The following SCFD2 variants were observed in gnomAD, a reference collection of about 807,000 sequenced individuals.
SCFD2 encodes the protein sec1 family domain-containing protein 2.
A neutral mutation model predicts 58.9 loss-of-function variants in SCFD2; 54 were observed. That is an observed-to-expected ratio of 0.92 (90% CI 0.74 to 1.15). SCFD2 has a LOEUF of 1.15. Ranked by LOEUF, SCFD2 falls within the 50% of genes most tolerant of loss-of-function variation. SCFD2 has a pLI of 0.00. For synonymous variants in SCFD2, 321 were observed against 335.9 expected, an observed-to-expected ratio of 0.96 and a Z score of 0.49; for missense variants, 805 against 836.6, an observed-to-expected ratio of 0.96 and a Z score of 0.47.
intron 3 of SCFD2, among the ~76,000 whole-genome samples, chr4:53,296,601 C>T (rs1424176070): frequency 3.3e-5 from 5 of 151,878 alleles, no homozygotes; most frequent in African/African-American, 1.2e-4. Flanking sequence ...CCTGGATTCA[C>T]TGATTTTTTT....
In SCFD2 at chr4:53,352,755, G is replaced by A. The variant is rs1734265937; in HGVS notation, c.850C>T (p.His284Tyr). Residue 284 changes from histidine to tyrosine, a missense_variant, in exon 2 of 9, where the codon CAT becomes TAT. This residue lies in a region of SCFD2 where 633 missense variants were observed against 646.8 expected (regional missense o/e 0.98). Transcript: ENST00000401642. ...TTCTCTACTAAGTTGTCTCCATGAT[G>A]TCCAACTGCTCCTGTTTAAGCAGAC... ...RTLDLTGAVG[H>Y]HGDNLVEKII... The A allele has an allele frequency of 6.2e-7, 1 of 1,613,732 alleles. No individual in the cohort carries two copies. The highest frequency in any genetic ancestry group is 8.5e-7 in the Non-Finnish European group (1 of 1,179,726).
rs143127186 is a variant in SCFD2 at position 52,937,193 on chromosome 4, A to C, written c.1562-16323T>G. 6.5e-3 allele frequency among the ~76,000 whole-genome samples: 990 copies of C among 152,358 alleles called. 15 individuals carry two copies. Among genetic ancestry groups the C allele is most frequent in the Middle Eastern group, 0.041 (12 of 294 alleles). On this transcript the variant is annotated intron_variant, in intron 5 of 8. Transcript: ENST00000401642. ...ATACCTGGGGAAAAACTTTCTGGAC[A>C]GAAGGGCAGCAAGTGCAAAGGCTCT...
chr4:53,220,670 A>G (rs1211773541), intron 4 of SCFD2, among the ~76,000 whole-genome samples: 5 of 152,226 alleles, frequency 3.3e-5, no homozygotes, highest in African/African-American at 1.2e-4. Context: ...AGTTAATAAT[A>G]ACATCTTAAT....
At chr4:53,310,834 A>G (rs1217582858) in intron 3 of SCFD2, among the ~76,000 whole-genome samples, 2 of 152,302 alleles carry the variant, frequency 1.3e-5, no homozygotes, top group East Asian at 3.9e-4. Context: ...GGTTTCAATC[A>G]TGGGATCCCT....
chr4:53,037,814 A>G (rs1560309378), intron 5 of SCFD2, among the ~76,000 whole-genome samples: 1 of 152,140 alleles, frequency 6.6e-6, no homozygotes, highest in East Asian at 1.9e-4. Flanking sequence ...AAAACCACAT[A>G]TATCTGTTAT....
chr4:53,079,394 G>A (rs1374870970), intron 5 of SCFD2, among the ~76,000 whole-genome samples: 2 of 152,108 alleles, frequency 1.3e-5, no homozygotes, highest in Non-Finnish European at 2.9e-5. Flanking sequence ...ACAGACAAAC[G>A]CAGAAAAAAT....
chr4:53,161,116 A>G (rs1167630639), intron 4 of SCFD2, among the ~76,000 whole-genome samples: 6 of 152,192 alleles, frequency 3.9e-5, no homozygotes, highest in African/African-American at 1.4e-4. Context: ...AGGGAAATGT[A>G]TCTAGATTTT....
intron 4 of SCFD2, among the ~76,000 whole-genome samples, chr4:53,257,618 T>A (rs4864451): frequency 0.14 from 21,468 of 152,176 alleles, 1,859 homozygotes; most frequent in African/African-American, 0.23. Flanking sequence ...CATGTTGGGT[T>A]TTTGTGGGGT....
chr4:52,977,020 G>A (rs758066630), intron 5 of SCFD2, among the ~76,000 whole-genome samples: 23 of 152,062 alleles, frequency 1.5e-4, no homozygotes, highest in Non-Finnish European at 2.8e-4. Context: ...TGTCAGCATG[G>A]AGCCTGACAC....
At position 53,313,641 on chromosome 4, in the gene SCFD2, C is replaced by T. The variant is rs774496817; in HGVS notation, c.1130G>A (p.Ser377Asn). 2 of 1,613,954 alleles carry T rather than the reference C, an allele frequency of 1.2e-6. No individual in the cohort carries two copies. The highest frequency in any genetic ancestry group is 1.1e-5 in the South Asian group (1 of 91,072). The change falls in exon 3 of 9, where the codon AGT becomes AAT. Residue 377 changes from serine to asparagine, a missense_variant. Around this residue, in one of 3 missense-constraint regions of SCFD2, gnomAD observed 633 missense variants for 646.8 expected, o/e 0.98. Coordinates refer to ENST00000401642, the MANE Select transcript of SCFD2 (RefSeq NM_152540.4). ...TGTCCTAGGTTTAGGCTTACCCATA[C>T]TCATCTTGATTGGCAGGTTTTCTCT... ...ASRENLPIKMSMGRVTPGQLM... is the reference protein window; with the variant it reads ...ASRENLPIKMNMGRVTPGQLM...
At chr4:52,928,276 C>G (rs1719908155) in intron 5 of SCFD2, among the ~76,000 whole-genome samples, 1 of 152,142 alleles carries the variant, frequency 6.6e-6, no homozygotes, top group African/African-American at 2.4e-5. Flanking sequence ...TTCAAGGCTA[C>G]AGTGAGCTAT....
intron 2 of SCFD2, among the ~76,000 whole-genome samples, chr4:53,351,918 A>G (rs889740099): frequency 6.6e-6 from 1 of 152,218 alleles, no homozygotes; most frequent in African/African-American, 2.4e-5. Flanking sequence ...TAAAAATATA[A>G]AACATGAAAA....
At chr4:52,874,865 T>G (rs532675136) in intron 8 of SCFD2, among the ~76,000 whole-genome samples, 1 of 152,248 alleles carries the variant, frequency 6.6e-6, no homozygotes, top group African/African-American at 2.4e-5. Flanking sequence ...AGTGGGGAGG[T>G]TAGGACTGCA....
intron 4 of SCFD2, among the ~76,000 whole-genome samples, chr4:53,250,218 T>C (rs1024861909): frequency 4.6e-5 from 7 of 152,188 alleles, no homozygotes; most frequent in African/African-American, 1.4e-4. Flanking sequence ...CGTTACATAA[T>C]GCTAAAGGGA....
chr4:53,304,960 A>AT lies in SCFD2; in HGVS notation c.1135+8675dup, dbSNP rs879288734. ...GTGCTGGTTTCTCCCCATCTTCATG[A>AT]TTTTATCTACCTTTGGTCTTTGAAG... On this transcript the variant is annotated intron_variant, in intron 3 of 8. Transcript: ENST00000401642. 3.3e-5 allele frequency among the ~76,000 whole-genome samples: 5 copies of AT among 151,658 alleles called. No homozygotes were observed. The East Asian group carries it at 5.8e-4, about 18-fold the overall frequency.
intron 2 of SCFD2, among the ~76,000 whole-genome samples, chr4:53,322,223 T>C (rs1406186308): frequency 2.0e-5 from 3 of 152,282 alleles, no homozygotes; most frequent in East Asian, 3.9e-4. Context: ...CAAGCTGTTT[T>C]AGCTTGCAGT....
At chr4:53,271,726 G>T (rs768135070) in intron 4 of SCFD2, among the ~76,000 whole-genome samples, 3 of 152,078 alleles carry the variant, frequency 2.0e-5, no homozygotes, top group Non-Finnish European at 2.9e-5. Context: ...GCCTCCCAAA[G>T]TGCTGGGATT....
At chr4:53,004,310 G>A (rs539923213) in intron 5 of SCFD2, among the ~76,000 whole-genome samples, 2 of 152,236 alleles carry the variant, frequency 1.3e-5, no homozygotes, top group East Asian at 3.9e-4. Context: ...TGGGCCACAC[G>A]GAGGACATGG....
chr4:52,914,003 G>C (rs1284361088), intron 6 of SCFD2, among the ~76,000 whole-genome samples: 2 of 152,210 alleles, frequency 1.3e-5, no homozygotes, highest in East Asian at 3.8e-4. Context: ...GTTAAGTTTT[G>C]ATTGGAACAT....
Sources: allele counts gnomAD v4.1 joint callset (sites outside exome capture counted in the v4.1 genomes callset), GRCh38; gene constraint gnomAD v4.1.1; regional missense constraint gnomAD v4.1.1; transcripts MANE v1.5; gene names NCBI Gene and HGNC (gene_info 2026-07-23, HGNC 2026-07-21).